ANK2: variants seen among roughly 807,000 people sequenced by gnomAD.
ANK2 encodes the protein ankyrin-2.
In ANK2, 83 loss-of-function variants were observed where a neutral mutation model predicts 360.5. That is an observed-to-expected ratio of 0.23 (90% confidence interval 0.19 to 0.28). The LOEUF is 0.28. ANK2 is among the 10% of genes least tolerant of loss of function. The pLI is 1.00. For missense variants in ANK2, 4,201 were observed against 4,795.7 expected (o/e 0.88, Z 3.66); for synonymous variants, 1,740 against 1,759.5 (o/e 0.99, Z 0.28).
intron 1 of ANK2, among the ~76,000 whole-genome samples, chr4:112,832,251 C>T (rs911229513): frequency 6.6e-6 from 1 of 152,218 alleles, no homozygotes; most frequent in African/African-American, 2.4e-5. Flanking sequence ...CAGGGTTTCA[C>T]CCTGTTAACC....
intron 1 of ANK2, among the ~76,000 whole-genome samples, chr4:113,092,851 T>C (rs1261198095): frequency 1.3e-5 from 2 of 152,268 alleles, no homozygotes; most frequent in African/African-American, 4.8e-5. Context: ...ATCTTATTGA[T>C]TACATGACAA....
chr4:112,956,777 G>A (rs1197276582), intron 2 of ANK2, among the ~76,000 whole-genome samples: 1 of 152,172 alleles, frequency 6.6e-6, no homozygotes, highest in Non-Finnish European at 1.5e-5. Context: ...ATCCCTAAAA[G>A]ATTCGTTAGA....
chr4:112,880,318 A>G (rs1197894711), intron 1 of ANK2: 2 of 152,234 alleles, frequency 1.3e-5, no homozygotes, highest in Non-Finnish European at 2.9e-5. Flanking sequence ...CCATCGTTAC[A>G]GAAAATTTAT....
At chr4:113,117,127 T>C (rs1017360645) in intron 1 of ANK2, 2 of 367,918 alleles carry the variant, frequency 5.4e-6, no homozygotes, top group Non-Finnish European at 1.1e-5. Context: ...AGCAAGATTA[T>C]GACCTAGCTC....
intron 1 of ANK2, among the ~76,000 whole-genome samples, chr4:112,819,696 A>G (rs2056431558): frequency 6.6e-6 from 1 of 152,196 alleles, no homozygotes; most frequent in Non-Finnish European, 1.5e-5. Flanking sequence ...TGAACCCTGT[A>G]TGTTACAGGT....
intron 1 of ANK2, among the ~76,000 whole-genome samples, chr4:113,121,568 C>T (rs1582205675): frequency 6.6e-6 from 1 of 152,154 alleles, no homozygotes; most frequent in Admixed American, 6.6e-5. Flanking sequence ...TAGAAGTCAA[C>T]ATTTGCTCTT....
intron 1 of ANK2, among the ~76,000 whole-genome samples, chr4:112,850,356 T>TCCATCCACCCAC (rs1176494692): frequency 6.7e-6 from 1 of 149,248 alleles, no homozygotes; most frequent in South Asian, 2.2e-4. Context: ...CATCCATCCA[T>TCCATCCACCCAC]CCACCCATTC....
At chr4:113,277,386 G>A (rs1428671274) in intron 15 of ANK2, among the ~76,000 whole-genome samples, 2 of 152,148 alleles carry the variant, frequency 1.3e-5, no homozygotes, top group African/African-American at 4.8e-5. Flanking sequence ...TTTTACTATG[G>A]CTGCCAAAAT....
At position 113,369,580 on chromosome 4, in the gene ANK2, C is replaced by T. The variant is rs2154066072; in HGVS notation, c.11385C>T (p.Ser3795=). The T allele has an allele frequency of 6.2e-7, 1 of 1,614,144 alleles. No individual in the cohort carries two copies. ...CTATGATAGTACCCAGCTCTCCCAG[C>T]AAGACACCTGAGGAAGTTAGCACCC... The part of the protein sequence containing the change: ...QKAMIVPSSP[S]KTPEEVSTPA... The change falls in exon 43 of 46, where the codon AGC becomes AGT. Residue 3795 remains serine (S), a synonymous_variant. Transcript: ENST00000357077.
intron 2 of ANK2, among the ~76,000 whole-genome samples, chr4:113,024,548 A>G (rs1225075288): frequency 6.6e-6 from 1 of 152,218 alleles, no homozygotes; most frequent in East Asian, 1.9e-4. Context: ...TACCTGCCAG[A>G]AGTTTTGTAA....
rs191123041 is a variant in ANK2, at chr4:113,294,147, A to T, written c.2475+609A>T. Reference sequence around the variant, plus strand: ...TTTTGAATACAACTGCTGACTCTTCATGACAAATCAGTGATTATCACTGGC... The same window carrying T: ...TTTTGAATACAACTGCTGACTCTTCTTGACAAATCAGTGATTATCACTGGC... On this transcript the variant is annotated intron_variant, in intron 22 of 45. Transcript: ENST00000357077. Among the ~76,000 whole-genome samples, 23 of 152,360 alleles carry T rather than the reference A, an allele frequency of 1.5e-4. 1 individual carries two copies. The East Asian group carries it at 4.2e-3, about 28-fold the overall frequency.
chr4:112,824,136 CATCT>C (rs35729539), intron 1 of ANK2, among the ~76,000 whole-genome samples: 54,970 of 147,844 alleles, frequency 0.37, 10,212 homozygotes, highest in Middle Eastern at 0.5. Context: ...AGGTCTTCAG[CATCT>C]ATCTATCTAT....
chr4:113,075,972 G>A (rs1176667532), intron 1 of ANK2, among the ~76,000 whole-genome samples: 2 of 152,146 alleles, frequency 1.3e-5, no homozygotes, highest in African/African-American at 4.8e-5. Flanking sequence ...AGATCCCACT[G>A]AGAATCTGAT....
chr4:113,073,103 A>G (rs918938495), intron 1 of ANK2, among the ~76,000 whole-genome samples: 7 of 151,378 alleles, frequency 4.6e-5, no homozygotes, highest in Non-Finnish European at 8.8e-5. Context: ...CTGGGATTAC[A>G]GGCGCCCACC....
intron 2 of ANK2, among the ~76,000 whole-genome samples, chr4:113,005,974 AC>A (rs1380142054): frequency 6.6e-6 from 1 of 152,144 alleles, no homozygotes; most frequent in African/African-American, 2.4e-5. Flanking sequence ...TGAGGCCCTC[AC>A]CAGAAGCAGA....
intron 1 of ANK2, chr4:112,826,702 C>A: frequency 3.5e-6 from 3 of 865,964 alleles, no homozygotes; most frequent in South Asian, 1.6e-5. Context: ...GGATAGAAGA[C>A]AATGCCAGTG....
In ANK2 at chr4:113,224,299, T is replaced by A. The variant is rs550999705; in HGVS notation, c.385-7862T>A. On this transcript the variant is annotated intron_variant, in intron 4 of 45. Transcript: ENST00000357077. ...AATTCTGTTTTACTTTATTCCTTTA[T>A]GTAACAAATATTTACTGAACACCTA... Among the ~76,000 whole-genome samples, 17 of 152,380 alleles carry A rather than the reference T, an allele frequency of 1.1e-4. 1 individual carries two copies. Among genetic ancestry groups the A allele is most frequent in the African/African-American group, 4.1e-4 (17 of 41,588 alleles).
chr4:113,265,297 C>T (rs766472286), intron 14 of ANK2, among the ~76,000 whole-genome samples: 13 of 152,148 alleles, frequency 8.5e-5, no homozygotes, highest in African/African-American at 7.2e-5. Flanking sequence ...TCTCATATCT[C>T]TTTATTTTCA....
At chr4:113,299,238 G>T (rs1053355693) in intron 22 of ANK2, among the ~76,000 whole-genome samples, 3 of 152,142 alleles carry the variant, frequency 2.0e-5, no homozygotes, top group Non-Finnish European at 4.4e-5. Flanking sequence ...ATCAGGCAAT[G>T]AAACTTAATC....
Sources: gnomAD v4.1 joint callset for allele counts (sites outside exome capture counted in the v4.1 genomes callset) on GRCh38, gnomAD v4.1.1 for gene constraint, MANE v1.5 for transcripts, NCBI Gene and HGNC (gene_info 2026-07-23, HGNC 2026-07-21) for gene names.